OBI1: variants seen among roughly 807,000 people sequenced by gnomAD.
OBI1 encodes ring finger protein 219.
OBI1 carries 59 observed loss-of-function variants against 62.4 expected under a neutral mutation model. The observed-to-expected ratio is 0.95, with a 90% CI of 0.77 to 1.17. The LOEUF (loss-of-function observed/expected upper bound fraction) is 1.17, where lower values mean the gene tolerates loss of function less well. OBI1 is among the 50% of genes most tolerant of loss of function. The pLI is 0.00. For synonymous variants in OBI1, 302 were observed against 292.8 expected (o/e 1.03, Z -0.32); for missense variants, 875 against 830.9 (o/e 1.05, Z -0.65).
intron 3 of OBI1, among the ~76,000 whole-genome samples, chr13:78,641,301 C>T (rs1876209480): frequency 2.0e-5 from 3 of 152,078 alleles, no homozygotes; most frequent in Admixed American, 6.5e-5. Flanking sequence ...TTTCATAAAA[C>T]AAGCAAATTC....
At chr13:78,656,693 C>T (rs1470121338) in intron 1 of OBI1, among the ~76,000 whole-genome samples, 1 of 125,758 alleles carries the variant, frequency 8.0e-6, no homozygotes, top group Non-Finnish European at 1.6e-5. Flanking sequence ...AGAACTCAGG[C>T]CCTCAGTCAC....
intron 5 of OBI1, among the ~76,000 whole-genome samples, chr13:78,619,144 T>C (rs1875424128): frequency 6.6e-6 from 1 of 152,092 alleles, no homozygotes; most frequent in East Asian, 1.9e-4. Flanking sequence ...ATAATGCTAC[T>C]ACATAGTAAG....
chr13:78,656,130 A>G (rs948956486), intron 1 of OBI1, among the ~76,000 whole-genome samples: 1 of 152,222 alleles, frequency 6.6e-6, no homozygotes, highest in African/African-American at 2.4e-5. Flanking sequence ...GCTGGCCTCA[A>G]TGGCTATAGT....
intron 5 of OBI1, among the ~76,000 whole-genome samples, chr13:78,617,670 T>C (rs904277456): frequency 1.3e-5 from 2 of 152,220 alleles, no homozygotes; most frequent in East Asian, 1.9e-4. Context: ...CTTTCAATTA[T>C]AGCCACCCTT....
chr13:78,616,806 T>G lies in OBI1; in HGVS notation c.955A>C (p.Arg319=), dbSNP rs764849187. Residue 319 remains arginine (R), a synonymous_variant, in exon 6 of 6, where the codon AGA becomes CGA. Coordinates refer to ENST00000282003, the MANE Select transcript of OBI1 (RefSeq NM_024546.4). ...CTTGCAGAACTGGTGTCACACAGTC[T>G]GCTGCTGGAAGGCTTCGCTAGGTGA... is the stretch of plus-strand genomic sequence containing the variant. ...SSHLAKPSSS[R]LCDTSSARQE... is the part of the protein sequence containing the mutation. 1 of 1,614,218 alleles carries G rather than the reference T, an allele frequency of 6.2e-7. No homozygotes were observed. The highest frequency in any genetic ancestry group is 1.1e-5 in the South Asian group (1 of 91,086).
Position 78,616,984 on chromosome 13 carries a change from AT to A in OBI1, c.776del (p.Asn259IlefsTer9). 6.2e-7 allele frequency: 1 copy of A among 1,614,124 alleles called. No homozygotes were observed. Among genetic ancestry groups the A allele is most frequent in the African/African-American group, 1.3e-5 (1 of 75,018 alleles). On this transcript the variant is annotated frameshift_variant, in exon 6 of 6. Coordinates refer to ENST00000282003, the MANE Select transcript of OBI1 (RefSeq NM_024546.4). LOFTEE classifies it high-confidence loss of function. The part of the protein sequence containing the change: ...ELESQVAQLK[N>X]SSEEKEAMNS... ...TCATAGCTTCTTTCTCTTCACTTGA[AT>A]TTTTTAGCTGTGCAACTTGAGATTC...
At chr13:78,624,491 A>T (rs903990834) in intron 5 of OBI1, among the ~76,000 whole-genome samples, 2 of 152,208 alleles carry the variant, frequency 1.3e-5, no homozygotes, top group African/African-American at 4.8e-5. Context: ...ACAGGATCTC[A>T]TCCTGTCACC....
At chr13:78,644,362 G>A (rs1031937709) in intron 2 of OBI1, among the ~76,000 whole-genome samples, 3 of 152,126 alleles carry the variant, frequency 2.0e-5, no homozygotes, top group Admixed American at 1.3e-4. Flanking sequence ...CTCAGTAGTC[G>A]GACCCAAAGT....
chr13:78,639,026 T>C lies in OBI1; in HGVS notation c.346A>G (p.Lys116Glu). 1.2e-6 allele frequency: 2 copies of C among 1,613,920 alleles called. No homozygotes were observed. ...ATCTGTGACTCCAAGCTGAGATTTT[T>C]ACTCTTAAGCTCTTCTACTTCTTTC... is the stretch of plus-strand genomic sequence containing the variant. ...LQKEVEELKSKNLSLESQIKT... is the reference protein window; with the variant it reads ...LQKEVEELKSENLSLESQIKT... The change falls in exon 4 of 6, where the codon AAA (lysine) becomes GAA (glutamate). Residue 116 changes from lysine (K) to glutamate (E), a missense_variant. Transcript: ENST00000282003.
intron 1 of OBI1, among the ~76,000 whole-genome samples, chr13:78,657,557 T>C (rs1402102908): frequency 2.0e-5 from 3 of 152,224 alleles, no homozygotes; most frequent in Admixed American, 1.3e-4. Flanking sequence ...AAAAGCACTC[T>C]GTAGTCTGCA....
intron 2 of OBI1, 143 bp downstream of exon 2, chr13:78,644,719 A>G (rs1876330349): frequency 2.3e-6 from 2 of 873,782 alleles, no homozygotes; most frequent in South Asian, 1.5e-5. Context: ...CCACATATAC[A>G]TTACACAAAT....
At chr13:78,628,567 G>A (rs1451166245) in intron 5 of OBI1, among the ~76,000 whole-genome samples, 2 of 152,246 alleles carry the variant, frequency 1.3e-5, no homozygotes, top group Non-Finnish European at 2.9e-5. Flanking sequence ...AGTAGGATGA[G>A]ATGGAGGAGT....
At chr13:78,659,001 C>G in intron 1 of OBI1, 48 bp downstream of exon 1, 2 of 1,555,752 alleles carry the variant, frequency 1.3e-6, no homozygotes, top group Non-Finnish European at 8.9e-7. Context: ...CCCCGGCGAG[C>G]GACTTATCCA....
chr13:78,635,306 T>C (rs1367410656), intron 4 of OBI1, 108 bp from the exon 5 acceptor site: 2 of 661,872 alleles, frequency 3.0e-6, no homozygotes, highest in Non-Finnish European at 5.3e-6. Flanking sequence ...ATCAGAAAAC[T>C]GAATAGTAGA....
At chr13:78,639,116 C>A (rs770272646) in intron 3 of OBI1, 45 bp from the exon 4 acceptor site, 1 of 1,559,468 alleles carries the variant, frequency 6.4e-7, no homozygotes, top group East Asian at 2.3e-5. Flanking sequence ...AGACACTAAA[C>A]ACATACATAC....
chr13:78,640,063 G>A (rs1248547789), intron 3 of OBI1, among the ~76,000 whole-genome samples: 2 of 151,552 alleles, frequency 1.3e-5, no homozygotes, highest in Non-Finnish European at 2.9e-5. Context: ...CAGAAAATAA[G>A]AAAAGTCACA....
At chr13:78,650,546 T>C (rs1876515881) in intron 1 of OBI1, among the ~76,000 whole-genome samples, 1 of 152,172 alleles carries the variant, frequency 6.6e-6, no homozygotes, top group East Asian at 1.9e-4. Context: ...GTGGCAGAGC[T>C]TAGGCTCTGA....
chr13:78,624,181 A>G (rs1213419800), intron 5 of OBI1, among the ~76,000 whole-genome samples: 2 of 152,236 alleles, frequency 1.3e-5, no homozygotes, highest in East Asian at 1.9e-4. Context: ...GGTATAATTA[A>G]GAGAAATAAA....
At chr13:78,632,366 A>G (rs948358327) in intron 5 of OBI1, among the ~76,000 whole-genome samples, 17 of 152,168 alleles carry the variant, frequency 1.1e-4, no homozygotes, top group African/African-American at 3.9e-4. Flanking sequence ...CCACTCGCCT[A>G]TAACATTTTG....
Sources: gnomAD v4.1 joint callset for allele counts (sites outside exome capture counted in the v4.1 genomes callset) on GRCh38, gnomAD v4.1.1 for gene constraint, MANE v1.5 for transcripts, NCBI Gene and HGNC (gene_info 2026-07-23, HGNC 2026-07-21) for gene names.